The following FARP1 variants were observed in gnomAD, a reference collection of about 807,000 sequenced individuals.
FARP1 encodes the protein FERM, ARHGEF and pleckstrin domain-containing protein 1.
In FARP1, 52 loss-of-function variants were observed where a neutral mutation model predicts 128.8. The ratio of observed to expected loss-of-function variants is 0.40; its 90% confidence interval spans 0.32 to 0.51. The LOEUF is 0.51. FARP1 is among the 20% of genes least tolerant of loss of function. FARP1 has a pLI of 0.45. For missense variants in FARP1, 1,333 were observed against 1,367.9 expected (o/e 0.97, Z 0.40); for synonymous variants, 580 against 551.8 (o/e 1.05, Z -0.72).
chr13:98,301,902 C>T (rs1393173385), intron 2 of FARP1, among the ~76,000 whole-genome samples: 10 of 152,100 alleles, frequency 6.6e-5, no homozygotes, highest in East Asian at 1.9e-4. Context: ...CTTGTTAATT[C>T]GGGTGACCGG....
At chr13:98,322,791 G>C (rs1023353076) in intron 2 of FARP1, among the ~76,000 whole-genome samples, 14 of 152,158 alleles carry the variant, frequency 9.2e-5, no homozygotes, top group Non-Finnish European at 5.9e-5. Context: ...CACAAAGGCA[G>C]CCGAAACCCA....
At position 98,446,080 on chromosome 13, in the gene FARP1, G is replaced by C. The variant is rs768048991; in HGVS notation, c.2797-18G>C. On this transcript the variant is annotated intron_variant, in intron 24 of 26. Coordinates refer to ENST00000319562, the MANE Select transcript of FARP1 (RefSeq NM_005766.4). ...GCAGGTGCCCGCTGTGCTTCTCACAGGCCTCCTTGCCTTTCAGAATCAGTT... is the reference window on the plus strand; with the variant it reads ...GCAGGTGCCCGCTGTGCTTCTCACACGCCTCCTTGCCTTTCAGAATCAGTT... 1.3e-6 allele frequency: 2 copies of C among 1,575,118 alleles called. No homozygotes were observed.
intron 1 of FARP1, among the ~76,000 whole-genome samples, chr13:98,188,534 C>T (rs923160513): frequency 6.6e-6 from 1 of 152,072 alleles, no homozygotes; most frequent in South Asian, 2.1e-4. Flanking sequence ...ACACTCCAGC[C>T]TGGGGGACAG....
chr13:98,388,621 C>T (rs900378624), intron 9 of FARP1, 143 bp downstream of exon 9: 5 of 657,188 alleles, frequency 7.6e-6, no homozygotes, highest in South Asian at 5.1e-5. Context: ...GAACGCCGAG[C>T]GTCTCTAGGA....
chr13:98,231,062 C>G (rs771196401), intron 2 of FARP1, among the ~76,000 whole-genome samples: 4 of 152,052 alleles, frequency 2.6e-5, no homozygotes, highest in Non-Finnish European at 5.9e-5. Flanking sequence ...AACTGCCCCC[C>G]CCATAATTCA....
At chr13:98,374,141 T>G (rs370218184) in intron 5 of FARP1, among the ~76,000 whole-genome samples, 1 of 152,314 alleles carries the variant, frequency 6.6e-6, no homozygotes, top group South Asian at 2.1e-4. Flanking sequence ...AAAATAAGGT[T>G]GGCTAGGCAC....
rs576600273 is a variant in FARP1, at chr13:98,221,649, C to A, written c.171+8236C>A. ...TTGCACTTTGCGCTCAGAAATTTTA[C>A]GTGCATTTTTGCTTTCCTGATTTCT... On this transcript the variant is annotated intron_variant, in intron 2 of 26. Transcript: ENST00000319562. Among the ~76,000 whole-genome samples, 15 of 152,326 alleles carry A rather than the reference C, an allele frequency of 9.8e-5. No individual in the cohort carries two copies. In the South Asian group the frequency reaches 2.9e-3, roughly 29 times the overall value.
chr13:98,356,619 A>ATTTTT (rs1888653630), intron 3 of FARP1, among the ~76,000 whole-genome samples: 1 of 91,984 alleles, frequency 1.1e-5, no homozygotes. Context: ...ACCCTTTTAA[A>ATTTTT]ATTTTATTTA....
chr13:98,426,454 C>G (rs1012655673), intron 17 of FARP1, among the ~76,000 whole-genome samples: 3 of 152,198 alleles, frequency 2.0e-5, no homozygotes, highest in Admixed American at 1.3e-4. Context: ...CGCGCCACTG[C>G]ACTCAAGCCT....
intron 13 of FARP1, chr13:98,396,726 T>C (rs1890563747): frequency 2.7e-6 from 1 of 372,902 alleles, no homozygotes. Flanking sequence ...CAGCAAGTCC[T>C]AATGACAAGT....
intron 24 of FARP1, among the ~76,000 whole-genome samples, chr13:98,444,103 C>T (rs1892669041): frequency 6.9e-6 from 1 of 144,898 alleles, no homozygotes; most frequent in Non-Finnish European, 1.5e-5. Flanking sequence ...CTGCGGCAGT[C>T]TTCTTCTCGG....
intron 1 of FARP1, chr13:98,177,967 C>G (rs151243225): frequency 3.9e-5 from 6 of 152,318 alleles, no homozygotes; most frequent in Admixed American, 1.3e-4. Flanking sequence ...AAGATAACCA[C>G]TGTCAACACT....
chr13:98,409,174 A>G (rs1891090183), intron 13 of FARP1, among the ~76,000 whole-genome samples, 164 bp from the exon 14 acceptor site: 1 of 152,216 alleles, frequency 6.6e-6, no homozygotes, highest in Non-Finnish European at 1.5e-5. Flanking sequence ...TTATTAAGGC[A>G]GCTTTGACTT....
chr13:98,366,062 C>T (rs1889070822), intron 4 of FARP1, among the ~76,000 whole-genome samples: 2 of 152,136 alleles, frequency 1.3e-5, no homozygotes, highest in Admixed American at 6.6e-5. Context: ...GTGTCTTCCC[C>T]TCTCTATGCT....
chr13:98,365,020 A>G (rs536875742), intron 3 of FARP1, among the ~76,000 whole-genome samples: 1 of 152,346 alleles, frequency 6.6e-6, no homozygotes, highest in Admixed American at 6.5e-5. Flanking sequence ...TCACACATCT[A>G]TGTATTCTGT....
chr13:98,315,782 C>A (rs1408881363), intron 2 of FARP1, among the ~76,000 whole-genome samples: 5 of 152,194 alleles, frequency 3.3e-5, no homozygotes, highest in Non-Finnish European at 7.3e-5. Flanking sequence ...TGGTGGTTTT[C>A]TGAGTCCCAG....
At chr13:98,296,896 G>A (rs1470553928) in intron 2 of FARP1, among the ~76,000 whole-genome samples, 1 of 152,016 alleles carries the variant, frequency 6.6e-6, no homozygotes, top group Admixed American at 6.6e-5. Flanking sequence ...CATTGCCCAG[G>A]CTGGTTTCAA....
At chr13:98,447,346 A>G (rs974932673) in intron 26 of FARP1, 6 of 152,608 alleles carry the variant, frequency 3.9e-5, no homozygotes, top group Non-Finnish European at 7.3e-5. Context: ...CCTAAACAAC[A>G]TCACCTGAAA....
intron 1 of FARP1, among the ~76,000 whole-genome samples, chr13:98,192,903 G>T (rs1248194417): frequency 2.0e-5 from 3 of 152,144 alleles, no homozygotes; most frequent in African/African-American, 4.8e-5. Flanking sequence ...AGATGTCTAT[G>T]TTTCTTCAGT....
Sources: allele counts gnomAD v4.1 joint callset (sites outside exome capture counted in the v4.1 genomes callset), GRCh38; gene constraint gnomAD v4.1.1; transcripts MANE v1.5; gene names NCBI Gene and HGNC (gene_info 2026-07-23, HGNC 2026-07-21).